The following NAALADL2 variants were observed in gnomAD, a reference collection of about 807,000 sequenced individuals.
NAALADL2 encodes N-acetylated alpha-linked acidic dipeptidase like 2, also known as inactive N-acetylated-alpha-linked acidic dipeptidase-like protein 2.
A neutral mutation model predicts 87.2 loss-of-function variants in NAALADL2; 76 were observed. The ratio of observed to expected loss-of-function variants is 0.87; its 90% CI spans 0.72 to 1.05. The LOEUF is 1.05. Among genes scored for constraint, NAALADL2 ranks in the 50% least tolerant of loss-of-function variants. The probability of loss-of-function intolerance (pLI) is 0.00; values close to 1 mark genes in which losing one functional copy is unlikely to be tolerated. For missense variants in NAALADL2, 1,089 were observed against 945.8 expected, an observed-to-expected ratio of 1.15 and a Z score of -1.99; for synonymous variants, 354 against 331.0, an observed-to-expected ratio of 1.07 and a Z score of -0.75.
At chr3:175,716,862 GACTT>G (rs2150019138) in intron 11 of NAALADL2, among the ~76,000 whole-genome samples, 1 of 152,242 alleles carries the variant, frequency 6.6e-6, no homozygotes, top group South Asian at 2.1e-4. Context: ...ACTTAATATA[GACTT>G]ACTTTCTGGT....
chr3:174,609,341 G>T (rs893830400), intron 2 of NAALADL2, among the ~76,000 whole-genome samples: 8 of 152,172 alleles, frequency 5.3e-5, no homozygotes, highest in African/African-American at 1.2e-4. Flanking sequence ...AGGAAATAAA[G>T]CGTATCCAAT....
At chr3:174,490,409 TG>T (rs955336750) in intron 1 of NAALADL2, among the ~76,000 whole-genome samples, 7 of 152,102 alleles carry the variant, frequency 4.6e-5, no homozygotes, top group Non-Finnish European at 8.8e-5. Context: ...GAAAGGAGAA[TG>T]GGAATGACTG....
intron 2 of NAALADL2, among the ~76,000 whole-genome samples, chr3:175,193,943 A>G (rs1467519895): frequency 6.6e-6 from 1 of 151,938 alleles, no homozygotes; most frequent in African/African-American, 2.4e-5. Flanking sequence ...TTAACAGACG[A>G]AAATAGATAA....
chr3:174,676,268 G>T (rs1727023806), intron 2 of NAALADL2, among the ~76,000 whole-genome samples: 1 of 152,118 alleles, frequency 6.6e-6, no homozygotes, highest in East Asian at 1.9e-4. Flanking sequence ...TATAAGTGTG[G>T]GAACACTGGC....
At chr3:174,882,793 ATACACGTGTGTATATGTG>A (rs762969859) in intron 1 of NAALADL2, among the ~76,000 whole-genome samples, 5,873 of 108,252 alleles carry the variant, frequency 0.054, 181 homozygotes, top group Admixed American at 0.11. Context: ...ATGTGTATAT[ATACACGTGTGTATATGTG>A]CATATGTGTA....
chr3:174,834,824 G>T (rs900071322), intron 3 of NAALADL2, among the ~76,000 whole-genome samples: 2 of 149,832 alleles, frequency 1.3e-5, no homozygotes, highest in African/African-American at 4.9e-5. Context: ...ATGTTTATTG[G>T]TTAGAAGACA....
At chr3:174,537,665 T>G (rs1454233563) in intron 1 of NAALADL2, among the ~76,000 whole-genome samples, 1 of 152,154 alleles carries the variant, frequency 6.6e-6, no homozygotes, top group African/African-American at 2.4e-5. Flanking sequence ...TAAGCCAGGC[T>G]AGGTATGGCT....
intron 2 of NAALADL2, among the ~76,000 whole-genome samples, chr3:174,728,785 A>T (rs773062873): frequency 2.6e-5 from 4 of 152,118 alleles, no homozygotes; most frequent in Non-Finnish European, 5.9e-5. Flanking sequence ...TTTTTAAGTT[A>T]TTCGACTGAG....
intron 5 of NAALADL2, among the ~76,000 whole-genome samples, chr3:175,441,100 A>G (rs1719657181): frequency 6.6e-6 from 1 of 152,036 alleles, no homozygotes; most frequent in Non-Finnish European, 1.5e-5. Context: ...AAACTATATA[A>G]ATTACACTAT....
At chr3:174,908,845 A>G (rs1325508528) in intron 1 of NAALADL2, among the ~76,000 whole-genome samples, 1 of 152,062 alleles carries the variant, frequency 6.6e-6, no homozygotes, top group Non-Finnish European at 1.5e-5. Flanking sequence ...CCAGCCATTT[A>G]AAAATAACAG....
intron 1 of NAALADL2, among the ~76,000 whole-genome samples, chr3:175,063,187 T>C (rs1462498740): frequency 6.6e-6 from 1 of 152,174 alleles, no homozygotes; most frequent in East Asian, 1.9e-4. Context: ...TGTTTACCTT[T>C]AAGTGACAGC....
intron 9 of NAALADL2, among the ~76,000 whole-genome samples, chr3:175,549,111 A>G (rs1416764684): frequency 6.7e-6 from 1 of 149,812 alleles, no homozygotes; most frequent in Non-Finnish European, 1.5e-5. Flanking sequence ...TGACTTTTTG[A>G]TACTATATAC....
At chr3:174,690,947 C>G (rs891488683) in intron 2 of NAALADL2, among the ~76,000 whole-genome samples, 7 of 152,074 alleles carry the variant, frequency 4.6e-5, no homozygotes, top group African/African-American at 1.2e-4. Context: ...ATCACTGCCC[C>G]TTTTCATCAA....
rs1731835684 is a variant in NAALADL2 at position 174,722,889 on chromosome 3, T to G, written c.-114-14752T>G. Among the ~76,000 whole-genome samples, 3 of 152,314 alleles carry G rather than the reference T, an allele frequency of 2.0e-5. No homozygotes were observed. The South Asian group carries it at 6.2e-4, about 32-fold the overall frequency. Reference sequence around the variant, plus strand: ...AAATTCAGTAGCAGGATCCTGAGTCTGGGGTCATCTGTGACTCTAAAGACA... The same window carrying G: ...AAATTCAGTAGCAGGATCCTGAGTCGGGGGTCATCTGTGACTCTAAAGACA... On this transcript the variant is annotated intron_variant, in intron 2 of 3. Transcript: ENST00000434257.
chr3:175,682,761 A>C (rs779378620), intron 11 of NAALADL2, among the ~76,000 whole-genome samples: 1 of 152,022 alleles, frequency 6.6e-6, no homozygotes, highest in Non-Finnish European at 1.5e-5. Context: ...AACTATAGGC[A>C]TATGAATTAG....
intron 2 of NAALADL2, among the ~76,000 whole-genome samples, chr3:175,151,148 A>G (rs770802772): frequency 1.3e-5 from 2 of 152,194 alleles, no homozygotes; most frequent in Non-Finnish European, 2.9e-5. Flanking sequence ...CTTGAATCAG[A>G]GAAGAGATGT....
chr3:175,256,151 C>T (rs115891682), intron 3 of NAALADL2, among the ~76,000 whole-genome samples: 1,625 of 152,238 alleles, frequency 0.011, 25 homozygotes, highest in African/African-American at 0.038. Flanking sequence ...GAAGAATGAA[C>T]TGTGTTTGTA....
intron 1 of NAALADL2, among the ~76,000 whole-genome samples, chr3:175,088,745 C>T (rs1719526940): frequency 6.6e-6 from 1 of 152,182 alleles, no homozygotes; most frequent in Non-Finnish European, 1.5e-5. Context: ...AAAATTCACC[C>T]TGGCTGAAAA....
At chr3:175,714,492 CT>C (rs1209234770) in intron 11 of NAALADL2, among the ~76,000 whole-genome samples, 1 of 152,088 alleles carries the variant, frequency 6.6e-6, no homozygotes, top group Non-Finnish European at 1.5e-5. Context: ...TGTTGATGAG[CT>C]TTTTTTCATT....
Sources: allele counts gnomAD v4.1 joint callset (sites outside exome capture counted in the v4.1 genomes callset), GRCh38; gene constraint gnomAD v4.1.1; transcripts MANE v1.5; gene names NCBI Gene and HGNC (gene_info 2026-07-23, HGNC 2026-07-21).